Variants in TENM2 observed in about 807,000 individuals in gnomAD.
TENM2 encodes the protein teneurin transmembrane protein 2, also known as teneurin-2.
In TENM2, 52 loss-of-function variants were observed where a neutral mutation model predicts 245.2. The observed-to-expected ratio is 0.21, with a 90% CI of 0.17 to 0.27. The LOEUF is 0.27. Among genes scored for constraint, TENM2 ranks in the 10% least tolerant of loss-of-function variants. The pLI is 1.00. For missense variants in TENM2, 3,046 were observed against 3,666.8 expected (o/e 0.83, Z 4.37); for synonymous variants, 1,363 against 1,438.9 (o/e 0.95, Z 1.19).
intron 5 of TENM2, among the ~76,000 whole-genome samples, chr5:168,011,905 G>T (rs769786642): frequency 9.2e-5 from 14 of 152,104 alleles, no homozygotes; most frequent in Non-Finnish European, 1.9e-4. Context: ...CCTAAATGTC[G>T]CAGTGACTCA....
the TENM2 span, among the ~76,000 whole-genome samples, chr5:167,233,974 A>C: frequency 1.3e-5 from 2 of 152,108 alleles, no homozygotes; most frequent in African/African-American, 2.4e-5. Flanking sequence ...TTTTATGAGC[A>C]TGGGTAAAAA....
intron 3 of TENM2, among the ~76,000 whole-genome samples, chr5:167,912,951 A>T (rs1014526158): frequency 6.6e-6 from 1 of 152,096 alleles, no homozygotes; most frequent in Non-Finnish European, 1.5e-5. Context: ...TCCCAGATGG[A>T]ACAGGACCAG....
the TENM2 span, among the ~76,000 whole-genome samples, chr5:167,275,211 C>T: frequency 2.0e-5 from 3 of 151,938 alleles, no homozygotes; most frequent in Admixed American, 6.6e-5. Context: ...TCTATTGTAT[C>T]CATTAATATG....
the TENM2 span, among the ~76,000 whole-genome samples, chr5:167,189,409 T>C: frequency 6.6e-6 from 1 of 152,180 alleles, no homozygotes; most frequent in Non-Finnish European, 1.5e-5. Context: ...TTTAATGTTA[T>C]AATTTGCACA....
At chr5:167,465,710 A>G (rs1213979894) in intron 2 of TENM2, among the ~76,000 whole-genome samples, 2 of 152,200 alleles carry the variant, frequency 1.3e-5, no homozygotes, top group African/African-American at 4.8e-5. Flanking sequence ...GGGCGCCTGT[A>G]GTCCCAGCTA....
chr5:167,721,454 G>C (rs78093108), intron 2 of TENM2: 1 of 152,240 alleles, frequency 6.6e-6, no homozygotes, highest in Non-Finnish European at 1.5e-5. Flanking sequence ...CAAGGTGTTA[G>C]TTGGGTTTCG....
At chr5:168,190,285 C>T in intron 13 of TENM2, 52 bp from the exon 16 acceptor site, 2 of 1,457,378 alleles carry the variant, frequency 1.4e-6, no homozygotes, top group East Asian at 4.6e-5. Flanking sequence ...TGTCTCCAAA[C>T]AGCTTTATGC....
chr5:167,885,684 G>GT (rs1252802830), intron 3 of TENM2, among the ~76,000 whole-genome samples: 1 of 152,046 alleles, frequency 6.6e-6, no homozygotes, highest in East Asian at 1.9e-4. Context: ...GTGATTACTG[G>GT]TTTTTTGTTT....
At chr5:167,870,710 A>G (rs547872171) in intron 2 of TENM2, among the ~76,000 whole-genome samples, 1 of 149,422 alleles carries the variant, frequency 6.7e-6, no homozygotes, top group African/African-American at 2.4e-5. Context: ...CAAGATCTAT[A>G]TATATATATA....
intron 1 of TENM2, among the ~76,000 whole-genome samples, chr5:167,335,567 T>C (rs1199699832): frequency 1.3e-5 from 2 of 152,184 alleles, no homozygotes; most frequent in East Asian, 3.9e-4. Flanking sequence ...GCCTAGTTTA[T>C]CACAGCGATT....
the TENM2 span, among the ~76,000 whole-genome samples, chr5:167,072,565 G>A: frequency 6.1e-3 from 931 of 152,300 alleles, 8 homozygotes; most frequent in African/African-American, 0.021. Context: ...GGAGTTTTAC[G>A]TGCCGGGCAC....
At chr5:167,402,655 T>C (rs560701803) in intron 2 of TENM2, among the ~76,000 whole-genome samples, 1 of 152,190 alleles carries the variant, frequency 6.6e-6, no homozygotes, top group South Asian at 2.1e-4. Flanking sequence ...CCAGTGCACA[T>C]AGAATGGACA....
chr5:167,796,531 T>C (rs958312360), intron 2 of TENM2, among the ~76,000 whole-genome samples: 1 of 152,172 alleles, frequency 6.6e-6, no homozygotes, highest in African/African-American at 2.4e-5. Context: ...CCTTTCATGA[T>C]ATCCTTAAGT....
chr5:167,327,698 G>C (rs1186212473), intron 1 of TENM2, among the ~76,000 whole-genome samples: 1 of 152,160 alleles, frequency 6.6e-6, no homozygotes, highest in Non-Finnish European at 1.5e-5. Context: ...TCTAAGCAGA[G>C]GGTCCAGTAT....
chr5:168,122,455 T>C lies in TENM2; in HGVS notation c.2009-2395T>C, dbSNP rs1406440168. Among the ~76,000 whole-genome samples the C allele has an allele frequency of 2.6e-5, 4 of 152,244 alleles. No homozygotes were observed. The East Asian group carries it at 5.8e-4, about 22-fold the overall frequency. ...CCTCCCAAAGTGCTGGGATTACAAG[T>C]GTGAGTCACCACGCCTGGCCCGCCC... On this transcript the variant is annotated intron_variant, in intron 10 of 28. Coordinates refer to ENST00000518659, the Ensembl canonical transcript of TENM2.
chr5:167,773,368 G>T (rs1411586082), intron 2 of TENM2, among the ~76,000 whole-genome samples: 1 of 152,162 alleles, frequency 6.6e-6, no homozygotes, highest in Admixed American at 6.5e-5. Flanking sequence ...TTAGAATGAT[G>T]CTCAGGCATT....
chr5:166,979,188 C>CAGCAGCAGCAGCAGCAGCAGCAGCAG, the TENM2 span, among the ~76,000 whole-genome samples: 1 of 97,550 alleles, frequency 1.0e-5, no homozygotes, highest in African/African-American at 3.8e-5. Flanking sequence ...AGCAGCAGCA[C>CAGCAGCAGCAGCAGCAGCAGCAGCAG]CACCACCAGC....
intron 2 of TENM2, among the ~76,000 whole-genome samples, chr5:167,500,504 T>G (rs1453526735): frequency 1.3e-5 from 2 of 151,884 alleles, no homozygotes; most frequent in Non-Finnish European, 2.9e-5. Flanking sequence ...TAAAAAGAAA[T>G]GGATAGGAAC....
At chr5:167,151,112 T>G in the TENM2 span, among the ~76,000 whole-genome samples, 1 of 152,226 alleles carries the variant, frequency 6.6e-6, no homozygotes, top group Admixed American at 6.5e-5. Flanking sequence ...CAGTCGAGAT[T>G]ATTAAACATT....
Sources: gnomAD v4.1 joint callset for allele counts (sites outside exome capture counted in the v4.1 genomes callset) on GRCh38, gnomAD v4.1.1 for gene constraint, MANE v1.5 for transcripts, NCBI Gene and HGNC (gene_info 2026-07-23, HGNC 2026-07-21) for gene names.